SCHIP1: variants seen among roughly 807,000 people sequenced by gnomAD.
The protein encoded by SCHIP1 is schwannomin-interacting protein 1.
SCHIP1 carries 8 observed loss-of-function variants against 29.7 expected under a neutral mutation model. The observed-to-expected ratio is 0.27, with a 90% CI of 0.16 to 0.49. The LOEUF (loss-of-function observed/expected upper bound fraction) is 0.49, where lower values mean the gene tolerates loss of function less well. Among genes scored for constraint, SCHIP1 ranks in the 20% least tolerant of loss-of-function variants. The pLI is 0.99. For missense variants in SCHIP1, 193 were observed against 294.6 expected (o/e 0.66, Z 2.52); for synonymous variants, 76 against 94.9 (o/e 0.80, Z 1.16).
the SCHIP1 span, among the ~76,000 whole-genome samples, chr3:159,515,339 G>A: frequency 6.6e-6 from 1 of 152,100 alleles, no homozygotes; most frequent in Non-Finnish European, 1.5e-5. Context: ...CCTTTTGCCA[G>A]CATCCTTGAA....
chr3:159,465,356 T>C, the SCHIP1 span, among the ~76,000 whole-genome samples: 1 of 151,894 alleles, frequency 6.6e-6, no homozygotes, highest in African/African-American at 2.4e-5. Flanking sequence ...TGCGTGTGTG[T>C]GTGTGTGGAA....
chr3:159,379,259 A>G, the SCHIP1 span, among the ~76,000 whole-genome samples: 1 of 151,720 alleles, frequency 6.6e-6, no homozygotes, highest in South Asian at 2.1e-4. Context: ...TCTCACTGCA[A>G]CACCCAGGCT....
intron 1 of SCHIP1, among the ~76,000 whole-genome samples, chr3:159,857,236 T>C (rs1464483170): frequency 1.3e-5 from 2 of 152,330 alleles, no homozygotes; most frequent in African/African-American, 4.8e-5. Context: ...TTCAGGTAAC[T>C]AGAATTTCCG....
chr3:159,397,615 C>T, the SCHIP1 span, among the ~76,000 whole-genome samples: 1 of 152,210 alleles, frequency 6.6e-6, no homozygotes, highest in Non-Finnish European at 1.5e-5. Flanking sequence ...TGGGGGGTGC[C>T]TCCCAGTTAG....
the SCHIP1 span, among the ~76,000 whole-genome samples, chr3:159,690,642 T>C: frequency 6.6e-6 from 1 of 152,262 alleles, no homozygotes; most frequent in African/African-American, 2.4e-5. Context: ...TACTAGGTTT[T>C]GAATTTGTTT....
the SCHIP1 span, among the ~76,000 whole-genome samples, chr3:159,363,824 A>G: frequency 6.6e-6 from 1 of 152,202 alleles, no homozygotes; most frequent in Admixed American, 6.5e-5. Context: ...TGCCAGAAAA[A>G]TAAAAGGATA....
At chr3:159,772,207 G>A in the SCHIP1 span, among the ~76,000 whole-genome samples, 2 of 152,160 alleles carry the variant, frequency 1.3e-5, no homozygotes, top group Non-Finnish European at 2.9e-5. Context: ...CTGCAGTACA[G>A]TGGCACAATC....
chr3:159,552,642 G>T, the SCHIP1 span, among the ~76,000 whole-genome samples: 2 of 152,094 alleles, frequency 1.3e-5, no homozygotes, highest in African/African-American at 4.8e-5. Flanking sequence ...AGGATTTTGT[G>T]ATTAGTGTTT....
At chr3:159,608,080 G>C in the SCHIP1 span, among the ~76,000 whole-genome samples, 1 of 152,190 alleles carries the variant, frequency 6.6e-6, no homozygotes, top group Non-Finnish European at 1.5e-5. Context: ...CAGAAAGTCA[G>C]ATGTGGGCTC....
chr3:159,669,084 C>G, the SCHIP1 span, among the ~76,000 whole-genome samples: 1 of 152,096 alleles, frequency 6.6e-6, no homozygotes, highest in African/African-American at 2.4e-5. Flanking sequence ...AAGCCATGCC[C>G]GAACTCCAGC....
At chr3:159,672,401 A>G in the SCHIP1 span, among the ~76,000 whole-genome samples, 10,526 of 152,288 alleles carry the variant, frequency 0.069, 714 homozygotes, top group African/African-American at 0.18. Flanking sequence ...CAGTCTCTTC[A>G]CATGGGTGCT....
chr3:159,627,279 A>G, the SCHIP1 span, among the ~76,000 whole-genome samples: 2 of 152,318 alleles, frequency 1.3e-5, no homozygotes, highest in South Asian at 4.1e-4. Flanking sequence ...AGAATCTTCT[A>G]AGTTATCCGT....
chr3:159,392,209 C>T, the SCHIP1 span, among the ~76,000 whole-genome samples: 12 of 152,272 alleles, frequency 7.9e-5, no homozygotes, highest in South Asian at 4.1e-4. Flanking sequence ...TTCCACAAAG[C>T]AGTGCTACTG....
chr3:159,296,193 G>T, the SCHIP1 span, among the ~76,000 whole-genome samples: 1 of 151,158 alleles, frequency 6.6e-6, no homozygotes, highest in South Asian at 2.1e-4. Flanking sequence ...TATTTGAGCC[G>T]AAATTATTTC....
chr3:159,367,839 G>T, the SCHIP1 span, among the ~76,000 whole-genome samples: 1 of 151,934 alleles, frequency 6.6e-6, no homozygotes, highest in East Asian at 1.9e-4. Flanking sequence ...ACAATATAAA[G>T]AATGTCACAA....
chr3:159,713,769 G>A, the SCHIP1 span, among the ~76,000 whole-genome samples: 4 of 152,238 alleles, frequency 2.6e-5, no homozygotes, highest in Non-Finnish European at 1.5e-5. Flanking sequence ...TTTAGTGACT[G>A]AGGAATAGGT....
the SCHIP1 span, among the ~76,000 whole-genome samples, chr3:159,758,956 C>T: frequency 1.3e-5 from 2 of 152,218 alleles, no homozygotes; most frequent in Non-Finnish European, 2.9e-5. Flanking sequence ...ATACATTCAC[C>T]TACTTTCTGT....
the SCHIP1 span, among the ~76,000 whole-genome samples, chr3:159,457,979 T>A: frequency 4.6e-5 from 7 of 152,188 alleles, no homozygotes; most frequent in East Asian, 7.7e-4. Flanking sequence ...ACTGTATTTT[T>A]AAAGAATGTT....
the SCHIP1 span, among the ~76,000 whole-genome samples, chr3:159,388,271 G>T: frequency 6.6e-6 from 1 of 152,004 alleles, no homozygotes; most frequent in Non-Finnish European, 1.5e-5. Context: ...AGAAACAATT[G>T]CTTTGCTATA....
Sources: allele counts gnomAD v4.1 joint callset (sites outside exome capture counted in the v4.1 genomes callset), GRCh38; gene constraint gnomAD v4.1.1; transcripts MANE v1.5; gene names NCBI Gene and HGNC (gene_info 2026-07-23, HGNC 2026-07-21).